CRHR2: variants seen among roughly 807,000 people sequenced by gnomAD.
CRHR2 encodes the protein corticotropin-releasing hormone receptor 2.
In CRHR2, 53 loss-of-function variants were observed where a neutral mutation model predicts 57.9. The observed-to-expected ratio is 0.92, with a 90% CI of 0.73 to 1.15. The LOEUF (loss-of-function observed/expected upper bound fraction) is 1.15, where lower values mean the gene tolerates loss of function less well. Among genes scored for constraint, CRHR2 ranks in the 50% most tolerant of loss-of-function variants. CRHR2 has a pLI of 0.00. For missense variants in CRHR2, 532 were observed against 542.6 expected, an observed-to-expected ratio of 0.98 and a Z score of 0.19; for synonymous variants, 213 against 220.9, an observed-to-expected ratio of 0.96 and a Z score of 0.32.
chr7:30,665,276 G>T lies in CRHR2; in HGVS notation c.426-89C>A, dbSNP rs772458467. Reference sequence around the variant, plus strand: ...GAGGCCAGGTAGAGACTCAGCCTGGGATGAGGGCAGGGCTGCACTAGGAGC... The same window carrying T: ...GAGGCCAGGTAGAGACTCAGCCTGGTATGAGGGCAGGGCTGCACTAGGAGC... On this transcript the variant is annotated intron_variant, in intron 4 of 11. Transcript: ENST00000471646. This position sits in a 1 kb window ranked among gnomAD's most constrained non-coding sequence, Gnocchi z 4.5. 2.6e-5 allele frequency: 31 copies of T among 1,175,188 alleles called. No individual in the cohort carries two copies. The highest frequency in any genetic ancestry group is 3.8e-5 in the Non-Finnish European group (30 of 793,502). 72.8% of individuals were successfully genotyped at this position (1,175,188 alleles called of 1,614,324 possible). A position where few individuals can be genotyped will look rare whatever the true frequency, so the allele number is the denominator to read the frequency against.
intron 2 of CRHR2, among the ~76,000 whole-genome samples, chr7:30,673,118 G>A (rs1784416167): frequency 1.3e-5 from 2 of 152,206 alleles, no homozygotes; most frequent in South Asian, 2.1e-4. Flanking sequence ...TTTACTGCCT[G>A]TAGTTGGGCC....
intron 1 of CRHR2, among the ~76,000 whole-genome samples, chr7:30,690,113 C>G (rs543582899): frequency 6.6e-6 from 1 of 152,076 alleles, no homozygotes; most frequent in Admixed American, 6.6e-5. Flanking sequence ...CATGTGCACC[C>G]GTGAAGGGAC....
chr7:30,688,842 C>A (rs1441613878), intron 2 of CRHR2: 1 of 471,002 alleles, frequency 2.1e-6, no homozygotes, highest in African/African-American at 2.0e-5. Flanking sequence ...GCCACGGCAA[C>A]CAGAGAATGT....
At position 30,655,024 on chromosome 7, in the gene CRHR2, G is replaced by T. The variant is rs748401148; in HGVS notation, c.1095+15C>A. 1 of 1,612,416 alleles carries T rather than the reference G, an allele frequency of 6.2e-7. No individual in the cohort carries two copies. Among genetic ancestry groups the T allele is most frequent in the East Asian group, 2.2e-5 (1 of 44,816 alleles). On this transcript the variant is annotated intron_variant, in intron 11 of 11. Transcript: ENST00000471646. ...CCTGGATATCCCAGGCCACCCCGAG[G>T]GCCCAGCTTCATACCTCTCCATTGA... is the stretch of plus-strand genomic sequence containing the variant.
chr7:30,663,441 C>T (rs542792441), intron 5 of CRHR2, among the ~76,000 whole-genome samples: 1 of 152,196 alleles, frequency 6.6e-6, no homozygotes, highest in Non-Finnish European at 1.5e-5. Context: ...CAAGTCACTG[C>T]ACCTCTCTGA....
chr7:30,669,617 A>G, intron 2 of CRHR2, among the ~76,000 whole-genome samples: 1 of 151,764 alleles, frequency 6.6e-6, no homozygotes, highest in East Asian at 1.9e-4. Context: ...CCATCCCTCC[A>G]TCTGCTCTCT....
In CRHR2 at chr7:30,655,092, G is replaced by A. The variant is rs764773140; in HGVS notation, c.1054-12C>T. The stretch of plus-strand genomic sequence containing the variant: ...GACACGAAGAAACCCTGGAAAGGAG[G>A]GAAAGGAGGGAGTGGTCAGTGACCT... On this transcript the variant is annotated splice_polypyrimidine_tract_variant and intron_variant, in intron 10 of 11. Transcript: ENST00000471646. The A allele has an allele frequency of 1.2e-6, 2 of 1,612,736 alleles. No homozygotes were observed. Among genetic ancestry groups the A allele is most frequent in the Non-Finnish European group, 1.7e-6 (2 of 1,179,336 alleles).
intron 3 of CRHR2, among the ~76,000 whole-genome samples, chr7:30,666,160 C>T (rs551125585): frequency 1.8e-4 from 28 of 152,128 alleles, no homozygotes; most frequent in Admixed American, 1.1e-3. Flanking sequence ...GAGGGTGAGT[C>T]GATTTTTATT....
rs78221471 is a variant in CRHR2 at position 30,689,267 on chromosome 7, C to G, written c.-243G>C. 11 of 1,550,434 alleles carry G rather than the reference C, an allele frequency of 7.1e-6. No homozygotes were observed. The African/African-American group carries it at 1.2e-4, about 17-fold the overall frequency. The stretch of plus-strand genomic sequence containing the variant: ...CCCACAGGGGCTGGTCTTTGGGCAT[C>G]TGGCTCTGCCCGGCTGCCTAGGGGA... On this transcript the variant is annotated 5_prime_UTR_variant, in exon 2 of 14. Transcript: ENST00000341843.
Position 30,665,676 on chromosome 7 carries a change from T to A in CRHR2, c.316-37A>T. ...GACATGGGCAGGGCAGATGGAGGCATGGGCACGTGGGGGTGGGGCTGGGTA... is the reference window on the plus strand; with the variant it reads ...GACATGGGCAGGGCAGATGGAGGCAAGGGCACGTGGGGGTGGGGCTGGGTA... On this transcript the variant is annotated intron_variant, in intron 3 of 11. Transcript: ENST00000471646. This position sits in a 1 kb window ranked among gnomAD's most constrained non-coding sequence, Gnocchi z 4.5. The A allele has an allele frequency of 6.6e-7, 1 of 1,519,150 alleles. No individual in the cohort carries two copies. The highest frequency in any genetic ancestry group is 8.9e-7 in the Non-Finnish European group (1 of 1,118,174). The allele number at this position is 1,519,150 out of a possible 1,614,324, so 94.1% of individuals were successfully genotyped here.
rs1469707679 is a variant in CRHR2, at chr7:30,653,128, G to A, written c.*332C>T. ...CCTGTGTCTGCTACTATAAATAGCT[G>A]TGTGTGTTGGACAGGTCCTTCTCTG... is the stretch of plus-strand genomic sequence containing the variant. On this transcript the variant is annotated 3_prime_UTR_variant, in exon 12 of 12. Transcript: ENST00000471646. The surrounding 1 kb of genome is among the most constrained non-coding windows in gnomAD (Gnocchi z 5.0). 6 of 260,220 alleles carry A rather than the reference G, an allele frequency of 2.3e-5. No homozygotes were observed. The South Asian group carries it at 4.1e-4, about 18-fold the overall frequency. 16.1% of individuals were successfully genotyped at this position (260,220 alleles called of 1,614,324 possible). A position where few individuals can be genotyped will look rare whatever the true frequency, so the allele number is the denominator to read the frequency against.
At chr7:30,662,582 G>A (rs987455263) in intron 6 of CRHR2, 112 bp downstream of exon 6, 14 of 1,330,142 alleles carry the variant, frequency 1.1e-5, no homozygotes, top group South Asian at 1.4e-5. Context: ...ACCGGACTGC[G>A]CTGGGGGTGG....
upstream of CRHR2, among the ~76,000 whole-genome samples, chr7:30,685,837 G>A (rs113174678): frequency 8.6e-3 from 1,313 of 152,274 alleles, 28 homozygotes; most frequent in African/African-American, 0.03. Context: ...ATAAAACGAT[G>A]TTTTATAATT....
intron 8 of CRHR2, among the ~76,000 whole-genome samples, chr7:30,658,986 C>T (rs1430186936): frequency 6.6e-6 from 1 of 152,232 alleles, no homozygotes; most frequent in Non-Finnish European, 1.5e-5. Flanking sequence ...GCCTTTGAGC[C>T]TCTGCTCTGC....
intron 8 of CRHR2, among the ~76,000 whole-genome samples, chr7:30,660,250 G>A (rs1482321270): frequency 6.6e-6 from 1 of 152,232 alleles, no homozygotes; most frequent in East Asian, 1.9e-4. Flanking sequence ...GTCACCAGCT[G>A]CCTGCTCACC....
At chr7:30,682,524 A>C, upstream of CRHR2, 2 of 1,246,824 alleles carry the variant, frequency 1.6e-6, no homozygotes, top group Non-Finnish European at 2.0e-6. Context: ...GCCGCGGCCA[A>C]TGGCTGCGCC....
At chr7:30,693,238 AGGTGACTCTT>A (rs1286902422) in intron 1 of CRHR2, among the ~76,000 whole-genome samples, 1 of 152,326 alleles carries the variant, frequency 6.6e-6, no homozygotes, top group Non-Finnish European at 1.5e-5. Flanking sequence ...AGTTCTAATG[AGGTGACTCTT>A]GGTGGGCTGC....
At chr7:30,686,322 C>T, upstream of CRHR2, 2 of 1,435,748 alleles carry the variant, frequency 1.4e-6, no homozygotes, top group Non-Finnish European at 1.8e-6. Flanking sequence ...GTTCACTAAC[C>T]CATCCCCAGC....
rs987835436 is a variant in CRHR2 at position 30,656,316 on chromosome 7, C to T, written c.832-304G>A. On this transcript the variant is annotated intron_variant, in intron 8 of 11. Coordinates refer to ENST00000471646, the MANE Select transcript of CRHR2 (RefSeq NM_001883.5). The surrounding 1 kb of genome is among the most constrained non-coding windows in gnomAD (Gnocchi z 4.4). ...TGCCCTCTGAGGCTGAGAAAGCCCCCAACCCTCTCCCCAGTATAGGGACCC... is the reference window on the plus strand; with the variant it reads ...TGCCCTCTGAGGCTGAGAAAGCCCCTAACCCTCTCCCCAGTATAGGGACCC... Among the ~76,000 whole-genome samples, 6 of 152,078 alleles carry T rather than the reference C, an allele frequency of 3.9e-5. No individual in the cohort carries two copies. Among genetic ancestry groups the T allele is most frequent in the Non-Finnish European group, 7.4e-5 (5 of 67,984 alleles).
Sources: gnomAD v4.1 joint callset for allele counts (sites outside exome capture counted in the v4.1 genomes callset) on GRCh38, gnomAD v4.1.1 for gene constraint, Gnocchi (gnomAD v3.1) non-coding constraint, MANE v1.5 for transcripts, NCBI Gene and HGNC (gene_info 2026-07-23, HGNC 2026-07-21) for gene names.